TSNAX: variants seen among roughly 807,000 people sequenced by gnomAD.
TSNAX encodes translin associated factor X, also known as translin-associated protein X.
TSNAX carries 12 observed loss-of-function variants against 33.0 expected under a neutral mutation model. The ratio of observed to expected loss-of-function variants is 0.36; its 90% CI spans 0.23 to 0.59. The LOEUF is 0.59. Among genes scored for constraint, TSNAX ranks in the 20% least tolerant of loss-of-function variants. The pLI, the probability that TSNAX is intolerant of heterozygous loss-of-function variation, is 0.74. For synonymous variants in TSNAX, 110 were observed against 117.2 expected, an observed-to-expected ratio of 0.94 and a Z score of 0.40; for missense variants, 267 against 341.3, an observed-to-expected ratio of 0.78 and a Z score of 1.72.
At chr1:231,544,782 G>T (rs2124909403) in intron 4 of TSNAX, among the ~76,000 whole-genome samples, 1 of 152,274 alleles carries the variant, frequency 6.6e-6, no homozygotes, top group East Asian at 1.9e-4. Context: ...GAGAGAAAAA[G>T]GTGAAAGGGA....
At chr1:231,550,618 A>G (rs1395678499) in intron 4 of TSNAX, among the ~76,000 whole-genome samples, 1 of 152,210 alleles carries the variant, frequency 6.6e-6, no homozygotes. Flanking sequence ...GATAACCATC[A>G]CAGGACAGCA....
chr1:231,564,664 T>C lies in TSNAX; in HGVS notation c.632T>C (p.Ile211Thr), dbSNP rs779399170. The C allele has an allele frequency of 6.2e-7, 1 of 1,614,138 alleles. No homozygotes were observed. The highest frequency in any genetic ancestry group is 1.1e-5 in the South Asian group (1 of 91,080). The change falls in exon 6 of 6, where the codon ATT (isoleucine) becomes ACT (threonine). Residue 211 changes from isoleucine to threonine, a missense_variant. Physicochemically the swap from Ile to Thr is moderately conservative, Grantham distance 89 (BLOSUM62 -1). Around this residue, in one of 2 missense-constraint regions of TSNAX, gnomAD observed 67 missense variants for 127.2 expected, o/e 0.53. Coordinates refer to ENST00000366639, the MANE Select transcript of TSNAX (RefSeq NM_005999.3). ...ATTAACAGTGTGGGGAATGGGGACA[T>C]TGATACCCCCTTTGAAGTGAGCCAG... ...MCINSVGNGD[I>T]DTPFEVSQFL...
intron 4 of TSNAX, among the ~76,000 whole-genome samples, chr1:231,558,900 T>A (rs1660859562): frequency 6.6e-6 from 1 of 152,164 alleles, no homozygotes; most frequent in Non-Finnish European, 1.5e-5. Context: ...TTGGGCATCA[T>A]TTGCAGCTCA....
rs1296906342 is a variant in TSNAX, at chr1:231,553,397, TTC to T, written c.368-7725_368-7724del. On this transcript the variant is annotated intron_variant, in intron 4 of 5. Coordinates refer to ENST00000366639, the MANE Select transcript of TSNAX (RefSeq NM_005999.3). The stretch of plus-strand genomic sequence containing the variant: ...ATTTACATAAAAGCAACCTACAGAC[TTC>T]TCTCTTACTGGCAGCTGATTCTGTA... Among the ~76,000 whole-genome samples the T allele has an allele frequency of 2.0e-5, 3 of 152,348 alleles. No homozygotes were observed. In the East Asian group the frequency reaches 5.8e-4, roughly 29 times the overall value.
intron 2 of TSNAX, chr1:231,535,074 A>G (rs2124884422): frequency 6.6e-6 from 1 of 152,324 alleles, no homozygotes; most frequent in East Asian, 1.9e-4. Context: ...GAGAATCAGG[A>G]CTAGCAAGAA....
chr1:231,537,063 C>T (rs1260053615), intron 2 of TSNAX, 150 bp from the exon 3 acceptor site: 1 of 518,026 alleles, frequency 1.9e-6, no homozygotes, highest in African/African-American at 2.0e-5. Flanking sequence ...GATCTCTTGA[C>T]CTCATGATCC....
At chr1:231,561,059 G>GT in intron 4 of TSNAX, 69 bp from the exon 5 acceptor site, 1 of 1,507,208 alleles carries the variant, frequency 6.6e-7, no homozygotes, top group East Asian at 2.3e-5. Flanking sequence ...TCAATATGAA[G>GT]TTTTTTTATT....
At chr1:231,547,841 C>CTTTTTTTTTTTT (rs35520639) in intron 4 of TSNAX, among the ~76,000 whole-genome samples, 2 of 123,904 alleles carry the variant, frequency 1.6e-5, no homozygotes, top group African/African-American at 6.1e-5. Context: ...CCATTGCTTT[C>CTTTTTTTTTTTT]TTTTTTTTTT....
chr1:231,547,418 T>C (rs1179639968), intron 4 of TSNAX, among the ~76,000 whole-genome samples: 1 of 135,394 alleles, frequency 7.4e-6, no homozygotes, highest in African/African-American at 2.9e-5. Flanking sequence ...TGAGATGGAG[T>C]CTCACTCTGT....
chr1:231,530,466 G>A (rs1366233453), intron 2 of TSNAX, among the ~76,000 whole-genome samples: 1 of 151,204 alleles, frequency 6.6e-6, no homozygotes, highest in Non-Finnish European at 1.5e-5. Flanking sequence ...AGGCCGAGGC[G>A]GGGGGATCAC....
Position 231,548,145 on chromosome 1 carries a change from T to C in TSNAX, c.367+5534T>C, listed in dbSNP as rs1033559865. 3.5e-4 allele frequency among the ~76,000 whole-genome samples: 53 copies of C among 152,342 alleles called. 1 individual carries two copies. Among genetic ancestry groups the C allele is most frequent in the East Asian group, 3.9e-4 (2 of 5,184 alleles). On this transcript the variant is annotated intron_variant, in intron 4 of 5. Coordinates refer to ENST00000366639, the MANE Select transcript of TSNAX (RefSeq NM_005999.3). ...ACCGCGCCTGGCCACCATTGCTTTC[T>C]TTAAAGACATTATAAAATATTGTCT...
intron 2 of TSNAX, chr1:231,536,636 C>T (rs1372231713): frequency 1.3e-5 from 2 of 152,170 alleles, no homozygotes; most frequent in Non-Finnish European, 2.9e-5. Flanking sequence ...ATTAACTGGA[C>T]CTCTTGAGCT....
chr1:231,560,360 A>AT (rs1660990088), intron 4 of TSNAX, among the ~76,000 whole-genome samples: 1 of 143,458 alleles, frequency 7.0e-6, no homozygotes, highest in Non-Finnish European at 1.5e-5. Context: ...AATTTATATA[A>AT]TTTTTATTAA....
chr1:231,530,160 ATC>A (rs1658578430), intron 2 of TSNAX, among the ~76,000 whole-genome samples: 1 of 152,166 alleles, frequency 6.6e-6, no homozygotes, highest in African/African-American at 2.4e-5. Context: ...GGAAACCACA[ATC>A]TCTATGTCCT....
intron 2 of TSNAX, among the ~76,000 whole-genome samples, chr1:231,532,231 C>T (rs1193542917): frequency 6.8e-6 from 1 of 145,990 alleles, no homozygotes; most frequent in Non-Finnish European, 1.5e-5. Flanking sequence ...TCACCCTGGC[C>T]CAGGCTGAAG....
chr1:231,564,194 G>C (rs747245792), intron 5 of TSNAX, among the ~76,000 whole-genome samples: 1 of 152,138 alleles, frequency 6.6e-6, no homozygotes, highest in Non-Finnish European at 1.5e-5. Context: ...AGTAATTGTC[G>C]TGCAATAAAG....
intron 2 of TSNAX, chr1:231,536,273 A>G (rs1659165649): frequency 6.6e-6 from 1 of 152,198 alleles, no homozygotes; most frequent in South Asian, 2.1e-4. Context: ...CTTTCTGAAA[A>G]TAATATTTCT....
At chr1:231,531,249 C>CGCCTG (rs1658693085) in intron 2 of TSNAX, among the ~76,000 whole-genome samples, 1 of 152,088 alleles carries the variant, frequency 6.6e-6, no homozygotes, top group South Asian at 2.1e-4. Flanking sequence ...TGAGCCACTG[C>CGCCTG]GCCTGGCCTG....
chr1:231,564,541 C>T lies in TSNAX; in HGVS notation c.509C>T (p.Ala170Val), dbSNP rs1445795951. ...GKENKTPSSD[A>V]QDKQFGTWRL... ...TTTTTTTACCAGCCCTCCTCTGATG[C>T]ACAGGATAAGCAGTTTGGTACTTGG... is the stretch of plus-strand genomic sequence containing the variant. The change falls in exon 6 of 6, where the codon GCA becomes GTA. Residue 170 changes from alanine to valine, a missense_variant. By Grantham distance (64) the Ala-to-Val change is moderately conservative. Coordinates refer to ENST00000366639, the MANE Select transcript of TSNAX (RefSeq NM_005999.3). The T allele has an allele frequency of 1.2e-6, 2 of 1,611,770 alleles. No homozygotes were observed. The highest frequency in any genetic ancestry group is 3.3e-4 in the Middle Eastern group (2 of 6,080).
Sources: allele counts gnomAD v4.1 joint callset (sites outside exome capture counted in the v4.1 genomes callset), GRCh38; gene constraint gnomAD v4.1.1; regional missense constraint gnomAD v4.1.1; transcripts MANE v1.5; gene names NCBI Gene and HGNC (gene_info 2026-07-23, HGNC 2026-07-21).